Variants in ZNF462 observed in about 807,000 individuals in gnomAD.
The protein encoded by ZNF462 is zinc finger protein 462.
ZNF462 carries 10 observed loss-of-function variants against 201.9 expected under a neutral mutation model. The ratio of observed to expected loss-of-function variants is 0.05; its 90% CI spans 0.03 to 0.08. The LOEUF (loss-of-function observed/expected upper bound fraction) is 0.08. Ranked by LOEUF, ZNF462 falls within the 10% of genes least tolerant of loss-of-function variation. The pLI, the probability that ZNF462 is intolerant of heterozygous loss-of-function variation, is 1.00. For synonymous variants in ZNF462, 1,227 were observed against 1,193.3 expected, an observed-to-expected ratio of 1.03 and a Z score of -0.58; for missense variants, 2,523 against 3,168.3, an observed-to-expected ratio of 0.80 and a Z score of 4.89.
At chr9:106,980,315 G>T (rs1460404455) in intron 9 of ZNF462, among the ~76,000 whole-genome samples, 1 of 152,132 alleles carries the variant, frequency 6.6e-6, no homozygotes, top group African/African-American at 2.4e-5. Flanking sequence ...TCACTTCTTT[G>T]CTTTGGTGCA....
rs1021837685 is a variant in ZNF462 at position 106,886,777 on chromosome 9, G to T, written c.-31+23422G>T. On this transcript the variant is annotated intron_variant, in intron 1 of 12. Transcript: ENST00000277225. The surrounding 1 kb of genome is among the most constrained non-coding windows in gnomAD (Gnocchi z 4.6). ...TCCATGCTTATTCCACTACAACAGTGTTGGCAGATAGCTTCTATTTCTCGT... is the reference window on the plus strand; with the variant it reads ...TCCATGCTTATTCCACTACAACAGTTTTGGCAGATAGCTTCTATTTCTCGT... Among the ~76,000 whole-genome samples the T allele has an allele frequency of 5.3e-5, 8 of 152,192 alleles. No homozygotes were observed. Among genetic ancestry groups the T allele is most frequent in the Admixed American group, 2.6e-4 (4 of 15,282 alleles).
chr9:106,960,068 C>T (rs1408124062), intron 7 of ZNF462, among the ~76,000 whole-genome samples: 7 of 152,168 alleles, frequency 4.6e-5, no homozygotes, highest in East Asian at 3.9e-4. Flanking sequence ...CAGAGACTCC[C>T]GCTCGGGGAC....
chr9:106,868,621 T>C (rs996307849), intron 1 of ZNF462, among the ~76,000 whole-genome samples: 2 of 152,224 alleles, frequency 1.3e-5, no homozygotes, highest in African/African-American at 4.8e-5. Context: ...CTAGATCATT[T>C]AGATGAAGTC....
intron 4 of ZNF462, among the ~76,000 whole-genome samples, chr9:106,931,669 A>G (rs575502702): frequency 6.6e-6 from 1 of 152,282 alleles, no homozygotes; most frequent in East Asian, 1.9e-4. Context: ...TTTCCTGTGT[A>G]ATCAGTAACC....
In ZNF462 at chr9:106,924,711, C is replaced by T. The variant is rs907426775; in HGVS notation, c.799C>T (p.Arg267Cys). The change falls in exon 3 of 13, where the codon CGC (arginine) becomes TGC (cysteine). Residue 267 changes from arginine (R) to cysteine (C), a missense_variant. Physicochemically the swap from Arg to Cys is radical, Grantham distance 180. Around this residue, in one of 15 missense-constraint regions of ZNF462, gnomAD observed 480 missense variants for 544.4 expected, o/e 0.88. Coordinates refer to ENST00000277225, the MANE Select transcript of ZNF462 (RefSeq NM_021224.6). The surrounding 1 kb of genome is among the most constrained non-coding windows in gnomAD (Gnocchi z 6.2). Reference protein sequence around the residue: ...RWCDHMMKKHRSMVKILSSLR... With the variant: ...RWCDHMMKKHCSMVKILSSLR... ...GTGTGACCACATGATGAAGAAACACCGCAGTATGGTCAAGATCCTTTCCAG... is the reference window on the plus strand; with the variant it reads ...GTGTGACCACATGATGAAGAAACACTGCAGTATGGTCAAGATCCTTTCCAG... 7.4e-6 allele frequency: 12 copies of T among 1,613,928 alleles called. No homozygotes were observed. The highest frequency in any genetic ancestry group is 6.7e-5 in the African/African-American group (5 of 74,866).
At position 106,885,143 on chromosome 9, in the gene ZNF462, A is replaced by G. The variant is rs1336652313; in HGVS notation, c.-31+21788A>G. 3.3e-5 allele frequency among the ~76,000 whole-genome samples: 5 copies of G among 152,226 alleles called. No individual in the cohort carries two copies. Among genetic ancestry groups the G allele is most frequent in the East Asian group, 1.9e-4 (1 of 5,202 alleles). On this transcript the variant is annotated intron_variant, in intron 1 of 12. Transcript: ENST00000277225. This position sits in a 1 kb window ranked among gnomAD's most constrained non-coding sequence, Gnocchi z 4.1. ...GGCAGGTCAGACACTTCAGCTTCCC[A>G]AGAAAATGCAAGGAATTTATTTATT...
Position 106,938,106 on chromosome 9 carries a change from G to A in ZNF462, c.6236-810G>A, listed in dbSNP as rs1830707268. ...ATTTAACAGGTAATATATGGCGAAG[G>A]TAAATCACACTTTAACTTAATTTGG... On this transcript the variant is annotated intron_variant, in intron 6 of 12. Transcript: ENST00000277225. The surrounding 1 kb of genome is among the most constrained non-coding windows in gnomAD (Gnocchi z 4.4). Among the ~76,000 whole-genome samples the A allele has an allele frequency of 6.6e-6, 1 of 152,178 alleles. No individual in the cohort carries two copies. Among genetic ancestry groups the A allele is most frequent in the African/African-American group, 2.4e-5 (1 of 41,434 alleles).
chr9:107,000,728 G>T (rs1361566925), intron 10 of ZNF462, among the ~76,000 whole-genome samples: 1 of 152,142 alleles, frequency 6.6e-6, no homozygotes, highest in African/African-American at 2.4e-5. Flanking sequence ...TTAAAATCAT[G>T]CAGAATTTAA....
Position 106,923,434 on chromosome 9 carries a change from A to G in ZNF462, c.51A>G (p.Glu17=), listed in dbSNP as rs770892525. The G allele has an allele frequency of 3.1e-6, 5 of 1,614,210 alleles. No homozygotes were observed. Among genetic ancestry groups the G allele is most frequent in the Non-Finnish European group, 4.2e-6 (5 of 1,180,042 alleles). ...GTGATTTCCGAGCCCCGTCTTATGA[A>G]GATCTCAAGGCACACATTCAGGATG... ...DGCDFRAPSY[E]DLKAHIQDVH... The change falls in exon 2 of 13, where the codon GAA becomes GAG. Residue 17 remains glutamate, a synonymous_variant. Transcript: ENST00000277225. The surrounding 1 kb of genome is among the most constrained non-coding windows in gnomAD (Gnocchi z 5.6).
chr9:107,002,272 G>A (rs1249706412), intron 10 of ZNF462, among the ~76,000 whole-genome samples: 1 of 152,254 alleles, frequency 6.6e-6, no homozygotes, highest in East Asian at 1.9e-4. Context: ...CAACTCAACT[G>A]TGAGCCTCTG....
At chr9:107,007,699 C>T (rs186434484) in intron 11 of ZNF462, among the ~76,000 whole-genome samples, 14 of 152,260 alleles carry the variant, frequency 9.2e-5, no homozygotes, top group African/African-American at 3.4e-4. Context: ...CACACAATAG[C>T]CTCGGGTGTT....
intron 1 of ZNF462, among the ~76,000 whole-genome samples, chr9:106,878,384 C>T (rs570585092): frequency 6.6e-6 from 1 of 152,328 alleles, no homozygotes; most frequent in African/African-American, 2.4e-5. Flanking sequence ...CATCCAATGC[C>T]TGGTTTTGCA....
chr9:106,927,641 G>C lies in ZNF462; in HGVS notation c.3729G>C (p.Lys1243Asn), dbSNP rs1204702299. The change falls in exon 3 of 13, where the codon AAG becomes AAC. Residue 1243 changes from lysine (K) to asparagine (N), a missense_variant. Lys to Asn is a moderately conservative substitution (Grantham distance 94, BLOSUM62 0). Transcript: ENST00000277225. The stretch of plus-strand genomic sequence containing the variant: ...GCCTCTGCGACCGAAATCAGAAGAA[G>C]CCTGCCAGCTGCGTGCTTGTCTCCC... ...IRSLCDRNQK[K>N]PASCVLVSPS... 6.2e-7 allele frequency: 1 copy of C among 1,613,968 alleles called. No individual in the cohort carries two copies. Among genetic ancestry groups the C allele is most frequent in the Admixed American group, 1.7e-5 (1 of 59,990 alleles).
At position 106,939,195 on chromosome 9, in the gene ZNF462, C is replaced by T. The variant is rs1487850261; in HGVS notation, c.6427+88C>T. ...CCAATCATTTTTTTTAGAGGAAAAT[C>T]TTATGTGAAAACATGATGGTTCAAG... On this transcript the variant is annotated intron_variant, in intron 7 of 12. Coordinates refer to ENST00000277225, the MANE Select transcript of ZNF462 (RefSeq NM_021224.6). 3.0e-6 allele frequency: 4 copies of T among 1,320,950 alleles called. No individual in the cohort carries two copies. The East Asian group carries it at 7.4e-5, about 24-fold the overall frequency. The allele number at this position is 1,320,950 out of a possible 1,614,324, so 81.8% of individuals were successfully genotyped here.
At position 106,984,930 on chromosome 9, in the gene ZNF462, C is replaced by T. The variant is rs570948206; in HGVS notation, c.7056+521C>T. 7.5e-4 allele frequency among the ~76,000 whole-genome samples: 114 copies of T among 151,994 alleles called. No homozygotes were observed. The highest frequency in any genetic ancestry group is 3.4e-3 in the Middle Eastern group (1 of 294). ...TTCAAGACCAGCCTGGGCAACATGG[C>T]GAAACCCCATCTCTACAAAAAATAC... On this transcript the variant is annotated intron_variant, in intron 10 of 12. Coordinates refer to ENST00000277225, the MANE Select transcript of ZNF462 (RefSeq NM_021224.6). The surrounding 1 kb of genome is among the most constrained non-coding windows in gnomAD (Gnocchi z 6.4).
In ZNF462 at chr9:106,930,877, A is replaced by G; in HGVS notation, c.6012+188A>G. On this transcript the variant is annotated intron_variant, in intron 4 of 12. Transcript: ENST00000277225. This position sits in a 1 kb window ranked among gnomAD's most constrained non-coding sequence, Gnocchi z 5.8. ...CTTCCTCATCTTTCTGTTCAGGGAA[A>G]GGTCGAGTTTCGATCTGGTTTCCTT... 3.1e-6 allele frequency: 2 copies of G among 650,862 alleles called. No homozygotes were observed. The highest frequency in any genetic ancestry group is 5.0e-6 in the Non-Finnish European group (2 of 402,680). The allele number at this position is 650,862 out of a possible 1,614,324, so 40.3% of individuals were successfully genotyped here.
rs980027052 is a variant in ZNF462 at position 106,927,672 on chromosome 9, A to G, written c.3760A>G (p.Asn1254Asp). The G allele has an allele frequency of 1.2e-6, 2 of 1,613,902 alleles. No homozygotes were observed. Among genetic ancestry groups the G allele is most frequent in the African/African-American group, 1.3e-5 (1 of 74,854 alleles). Residue 1254 changes from asparagine to aspartate, a missense_variant, in exon 3 of 13, where the codon AAT (asparagine) becomes GAT (aspartate). Transcript: ENST00000277225. Reference sequence around the variant, plus strand: ...CAGCTGCGTGCTTGTCTCCCCCTCTAATCTGGAGCGGGACAAAACGAAACT... The same window carrying G: ...CAGCTGCGTGCTTGTCTCCCCCTCTGATCTGGAGCGGGACAAAACGAAACT... ...PASCVLVSPS[N>D]LERDKTKLRA...
At chr9:106,878,732 T>G (rs1182215592) in intron 1 of ZNF462, among the ~76,000 whole-genome samples, 1 of 152,228 alleles carries the variant, frequency 6.6e-6, no homozygotes, top group African/African-American at 2.4e-5. Flanking sequence ...TGGATTCCTG[T>G]TTAGATGCAT....
In ZNF462 at chr9:106,929,575, A is replaced by C; in HGVS notation, c.5663A>C (p.Gln1888Pro). The change falls in exon 3 of 13, where the codon CAG becomes CCG. Residue 1888 changes from glutamine (Q) to proline (P), a missense_variant. Physicochemically the swap from Gln to Pro is moderately conservative, Grantham distance 76. Transcript: ENST00000277225. The surrounding 1 kb of genome is among the most constrained non-coding windows in gnomAD (Gnocchi z 8.7). ...ATTCTGGGCAACGGCCCCCGCTTGC[A>C]GAACTCCACCTACCAGTGTAAGCAC... Reference protein sequence around the residue: ...FIILGNGPRLQNSTYQCKHCD... With the variant: ...FIILGNGPRLPNSTYQCKHCD... 1.2e-6 allele frequency: 2 copies of C among 1,614,252 alleles called. No homozygotes were observed. Among genetic ancestry groups the C allele is most frequent in the Non-Finnish European group, 1.7e-6 (2 of 1,180,046 alleles).
Sources: gnomAD v4.1 joint callset for allele counts (sites outside exome capture counted in the v4.1 genomes callset) on GRCh38, gnomAD v4.1.1 for gene constraint, gnomAD v4.1.1 regional missense constraint, Gnocchi (gnomAD v3.1) non-coding constraint, MANE v1.5 for transcripts, NCBI Gene and HGNC (gene_info 2026-07-23, HGNC 2026-07-21) for gene names.